The following THSD7B variants were observed in gnomAD, a reference collection of about 807,000 sequenced individuals.
THSD7B encodes the protein thrombospondin type 1 domain containing 7B, also known as thrombospondin type-1 domain-containing protein 7B.
THSD7B carries 138 observed loss-of-function variants against 213.6 expected under a neutral mutation model. That is an observed-to-expected ratio of 0.65 (90% CI 0.56 to 0.74). The LOEUF (loss-of-function observed/expected upper bound fraction) is 0.74, where lower values mean the gene tolerates loss of function less well. Ranked by LOEUF, THSD7B falls within the 30% of genes least tolerant of loss-of-function variation. The pLI is 0.00. For synonymous variants in THSD7B, 742 were observed against 687.0 expected (o/e 1.08, Z -1.25); for missense variants, 1,931 against 1,991.5 (o/e 0.97, Z 0.58).
At chr2:137,166,892 A>T (rs978079949) in intron 6 of THSD7B, among the ~76,000 whole-genome samples, 9 of 152,046 alleles carry the variant, frequency 5.9e-5, no homozygotes, top group African/African-American at 2.2e-4. Flanking sequence ...TTAACTTCTC[A>T]TTCTAAGCTT....
intron 2 of THSD7B, among the ~76,000 whole-genome samples, chr2:136,950,855 C>T (rs539687068): frequency 6.6e-6 from 1 of 152,304 alleles, no homozygotes; most frequent in South Asian, 2.1e-4. Context: ...GTGGCATTCT[C>T]TTGATGTGGA....
intron 1 of THSD7B, among the ~76,000 whole-genome samples, chr2:136,877,684 G>A (rs1354858587): frequency 6.6e-6 from 1 of 152,066 alleles, no homozygotes; most frequent in Admixed American, 6.5e-5. Context: ...TTCTAGGAAT[G>A]CCACGAGACT....
intron 7 of THSD7B, among the ~76,000 whole-genome samples, chr2:137,212,616 C>T (rs1681140047): frequency 1.3e-5 from 2 of 151,842 alleles, no homozygotes; most frequent in African/African-American, 4.8e-5. Context: ...ATACTAAATG[C>T]TCGAAGGTAG....
intron 2 of THSD7B, among the ~76,000 whole-genome samples, chr2:136,972,189 A>G (rs1266052666): frequency 6.6e-6 from 1 of 152,148 alleles, no homozygotes; most frequent in Non-Finnish European, 1.5e-5. Flanking sequence ...GTAGGCATCC[A>G]ACATTATCTG....
intron 7 of THSD7B, among the ~76,000 whole-genome samples, chr2:137,188,416 C>T (rs1181147514): frequency 6.6e-6 from 1 of 152,076 alleles, no homozygotes; most frequent in Non-Finnish European, 1.5e-5. Flanking sequence ...GATAATTTTC[C>T]AAATTATTTT....
At position 136,892,951 on chromosome 2, in the gene THSD7B, A is replaced by G. The variant is rs77060543; in HGVS notation, c.139+10634A>G. ...TCTTCATGTTGCAGAATTCATTGCTATATCTTCTCGACCTTTCTCTCTTTT... is the reference window on the plus strand; with the variant it reads ...TCTTCATGTTGCAGAATTCATTGCTGTATCTTCTCGACCTTTCTCTCTTTT... On this transcript the variant is annotated intron_variant, in intron 2 of 27. Transcript: ENST00000409968. 2.9e-3 allele frequency among the ~76,000 whole-genome samples: 440 copies of G among 152,252 alleles called. 11 individuals carry two copies. The East Asian group carries it at 0.07, about 24-fold the overall frequency.
intron 12 of THSD7B, among the ~76,000 whole-genome samples, chr2:137,403,499 A>T (rs1161088661): frequency 6.6e-6 from 1 of 152,228 alleles, no homozygotes; most frequent in Non-Finnish European, 1.5e-5. Context: ...CAGATTTTAA[A>T]GAACTGTAAA....
chr2:137,543,258 C>T (rs552153244), intron 15 of THSD7B, among the ~76,000 whole-genome samples: 6 of 151,936 alleles, frequency 3.9e-5, no homozygotes, highest in East Asian at 1.9e-4. Flanking sequence ...TAACCATATA[C>T]GCAAAGTCTT....
intron 20 of THSD7B, among the ~76,000 whole-genome samples, chr2:137,640,632 G>A (rs1038859419): frequency 2.6e-5 from 4 of 151,870 alleles, no homozygotes; most frequent in African/African-American, 7.3e-5. Context: ...CCTTAGTTTC[G>A]TCATCTATAA....
chr2:137,469,285 A>G (rs998224932), intron 15 of THSD7B, among the ~76,000 whole-genome samples: 23 of 152,226 alleles, frequency 1.5e-4, no homozygotes, highest in Admixed American at 1.4e-3. Flanking sequence ...GCGAAGTACT[A>G]AGAGAAAGAA....
At chr2:137,018,956 T>C (rs1400828803) in intron 2 of THSD7B, among the ~76,000 whole-genome samples, 1 of 152,210 alleles carries the variant, frequency 6.6e-6, no homozygotes, top group Non-Finnish European at 1.5e-5. Flanking sequence ...TATCTTGGCA[T>C]TGTCATAATC....
chr2:137,505,219 A>G (rs1679807267), intron 15 of THSD7B, among the ~76,000 whole-genome samples: 1 of 152,208 alleles, frequency 6.6e-6, no homozygotes, highest in Non-Finnish European at 1.5e-5. Flanking sequence ...AGAAGCATGG[A>G]CCAAGTGGTC....
intron 10 of THSD7B, among the ~76,000 whole-genome samples, chr2:137,243,410 A>G (rs1681958184): frequency 6.6e-6 from 1 of 152,204 alleles, no homozygotes; most frequent in African/African-American, 2.4e-5. Flanking sequence ...CAGAAAGAAT[A>G]TTACCTCTAA....
At chr2:137,055,730 G>A (rs1426830303) in intron 2 of THSD7B, among the ~76,000 whole-genome samples, 2 of 152,076 alleles carry the variant, frequency 1.3e-5, no homozygotes, top group Admixed American at 6.5e-5. Context: ...AGGATTCTAG[G>A]GGCAGAATTT....
intron 15 of THSD7B, among the ~76,000 whole-genome samples, chr2:137,551,744 A>G (rs1478678753): frequency 6.6e-6 from 1 of 152,182 alleles, no homozygotes. Context: ...ATTCCTAACA[A>G]ACCAGGCGTG....
intron 2 of THSD7B, among the ~76,000 whole-genome samples, chr2:136,989,343 G>T (rs1362085915): frequency 2.0e-5 from 3 of 152,194 alleles, no homozygotes; most frequent in Non-Finnish European, 4.4e-5. Context: ...GCTTGGTGCT[G>T]TCCTTGCAGT....
At chr2:137,388,312 T>C (rs1685940731) in intron 12 of THSD7B, among the ~76,000 whole-genome samples, 1 of 151,980 alleles carries the variant, frequency 6.6e-6, no homozygotes, top group Non-Finnish European at 1.5e-5. Flanking sequence ...GTTCATTGAG[T>C]CTTAATTTAT....
At chr2:136,890,388 C>CTT (rs1558840021) in intron 2 of THSD7B, among the ~76,000 whole-genome samples, 5 of 1,314 alleles carry the variant, frequency 3.8e-3, no homozygotes, top group African/African-American at 0.011. Context: ...TCTTCCTCTT[C>CTT]CTCTTCCTCT....
chr2:136,835,723 G>A (rs2104951098), intron 1 of THSD7B, among the ~76,000 whole-genome samples: 1 of 152,302 alleles, frequency 6.6e-6, no homozygotes, highest in Non-Finnish European at 1.5e-5. Context: ...ACAAAGTGGA[G>A]AAATGAAAGA....
Sources: allele counts gnomAD v4.1 joint callset (sites outside exome capture counted in the v4.1 genomes callset), GRCh38; gene constraint gnomAD v4.1.1; transcripts MANE v1.5; gene names NCBI Gene and HGNC (gene_info 2026-07-23, HGNC 2026-07-21).